CADM2: variants seen among roughly 807,000 people sequenced by gnomAD.
The protein encoded by CADM2 is cell adhesion molecule 2.
In CADM2, 12 loss-of-function variants were observed where a neutral mutation model predicts 49.8. The ratio of observed to expected loss-of-function variants is 0.24; its 90% CI spans 0.15 to 0.39. The LOEUF is 0.39. Among genes scored for constraint, CADM2 ranks in the 10% least tolerant of loss-of-function variants. CADM2 has a pLI of 1.00. For synonymous variants in CADM2, 214 were observed against 175.4 expected, an observed-to-expected ratio of 1.22 and a Z score of -1.74; for missense variants, 378 against 492.3, an observed-to-expected ratio of 0.77 and a Z score of 2.20.
chr3:85,299,166 G>A (rs1036899533), intron 1 of CADM2, among the ~76,000 whole-genome samples: 8 of 151,938 alleles, frequency 5.3e-5, no homozygotes, highest in Non-Finnish European at 7.4e-5. Flanking sequence ...AAACTTGAGA[G>A]CTTTTATTAA....
chr3:85,727,473 G>T (rs1030897451), intron 2 of CADM2, among the ~76,000 whole-genome samples: 5 of 152,090 alleles, frequency 3.3e-5, no homozygotes, highest in Non-Finnish European at 7.4e-5. Context: ...CTTTCTTATA[G>T]CTCACCTAGC....
At chr3:85,985,418 G>A (rs544019241) in intron 8 of CADM2, among the ~76,000 whole-genome samples, 2 of 152,038 alleles carry the variant, frequency 1.3e-5, no homozygotes, top group Admixed American at 1.3e-4. Context: ...ATTTTCAGGA[G>A]GACATTTGTG....
chr3:85,383,163 C>T (rs114070043), intron 1 of CADM2, among the ~76,000 whole-genome samples: 2,112 of 152,252 alleles, frequency 0.014, 48 homozygotes, highest in African/African-American at 0.048. Context: ...CTTCCATCTT[C>T]TGTATGTCAC....
At chr3:85,124,111 T>C (rs934092025) in intron 1 of CADM2, among the ~76,000 whole-genome samples, 4 of 152,174 alleles carry the variant, frequency 2.6e-5, no homozygotes, top group African/African-American at 9.7e-5. Context: ...CCTTCTAAGT[T>C]AGGGATCTAC....
chr3:85,539,933 A>C (rs1008443907), intron 1 of CADM2, among the ~76,000 whole-genome samples: 8 of 152,252 alleles, frequency 5.3e-5, no homozygotes, highest in African/African-American at 1.9e-4. Context: ...TCAATATATA[A>C]GTCTAGAGTT....
At chr3:85,335,391 CTCT>C (rs2045052647) in intron 1 of CADM2, among the ~76,000 whole-genome samples, 1 of 151,472 alleles carries the variant, frequency 6.6e-6, no homozygotes, top group African/African-American at 2.4e-5. Flanking sequence ...CCTCTCTATT[CTCT>C]TCTTGTCAAG....
intron 7 of CADM2, among the ~76,000 whole-genome samples, chr3:85,943,348 C>T (rs9881372): frequency 0.17 from 23,556 of 136,230 alleles, 2,181 homozygotes; most frequent in African/African-American, 0.2. Context: ...AATTAGATCC[C>T]ATTTGTCAAT....
Position 85,621,813 on chromosome 3 carries a change from A to T in CADM2, c.62-104709A>T, listed in dbSNP as rs555733859. On this transcript the variant is annotated intron_variant, in intron 1 of 9. Coordinates refer to ENST00000383699, the MANE Select transcript of CADM2 (RefSeq NM_001167675.2). The stretch of plus-strand genomic sequence containing the variant: ...TCACAAACCCAGCTCTGGTCTGAGC[A>T]TGATGACAAGTTGTCAGACTGATGT... Among the ~76,000 whole-genome samples the T allele has an allele frequency of 5.3e-5, 8 of 152,284 alleles. No homozygotes were observed. The South Asian group carries it at 1.7e-3, about 32-fold the overall frequency.
At chr3:84,984,518 A>G (rs1387403449) in intron 1 of CADM2, among the ~76,000 whole-genome samples, 3 of 151,262 alleles carry the variant, frequency 2.0e-5, no homozygotes, top group Non-Finnish European at 1.5e-5. Flanking sequence ...TTTCATCTTT[A>G]CTACTGCTAC....
chr3:85,095,523 C>G (rs1258919310), intron 1 of CADM2, among the ~76,000 whole-genome samples: 1 of 152,056 alleles, frequency 6.6e-6, no homozygotes, highest in Non-Finnish European at 1.5e-5. Context: ...GATCCTTAAA[C>G]AAATACTTAT....
At chr3:85,550,768 C>T (rs6783137) in intron 1 of CADM2, among the ~76,000 whole-genome samples, 77,697 of 151,652 alleles carry the variant, frequency 0.51, 22,948 homozygotes, top group East Asian at 0.85. Flanking sequence ...GGTTTTCTTA[C>T]TCCCCTACCT....
intron 1 of CADM2, among the ~76,000 whole-genome samples, chr3:85,330,499 T>A (rs1243407152): frequency 6.6e-6 from 1 of 152,202 alleles, no homozygotes; most frequent in African/African-American, 2.4e-5. Flanking sequence ...CACTGCTACA[T>A]AGACATTTTA....
chr3:85,346,772 G>A (rs9880397), intron 1 of CADM2, among the ~76,000 whole-genome samples: 39,352 of 151,924 alleles, frequency 0.26, 6,495 homozygotes, highest in Non-Finnish European at 0.37. Context: ...CCAGATGTGG[G>A]GATATTACAG....
Position 86,071,356 on chromosome 3 carries a change from A to G in CADM2, c.*4573A>G, listed in dbSNP as rs569076520. 2 of 151,910 alleles carry G rather than the reference A, an allele frequency of 1.3e-5. No homozygotes were observed. The highest frequency in any genetic ancestry group is 3.9e-4 in the East Asian group (2 of 5,174). 9.4% of individuals were successfully genotyped at this position (151,910 alleles called of 1,614,324 possible). On this transcript the variant is annotated 3_prime_UTR_variant, in exon 10 of 10. Coordinates refer to ENST00000383699, the MANE Select transcript of CADM2 (RefSeq NM_001167675.2). ...CCTTTCTCTCTCTATTCTACCCCCA[A>G]ACAAGCCCTTTGCACTCATACCCTT...
chr3:85,713,160 C>T (rs1463870682), intron 1 of CADM2, among the ~76,000 whole-genome samples: 11 of 152,104 alleles, frequency 7.2e-5, no homozygotes, highest in Non-Finnish European at 1.5e-4. Flanking sequence ...TGAAGTGGCG[C>T]GACCTCGGCT....
intron 2 of CADM2, among the ~76,000 whole-genome samples, chr3:85,750,842 G>T (rs191920651): frequency 6.6e-6 from 1 of 151,960 alleles, no homozygotes; most frequent in Non-Finnish European, 1.5e-5. Context: ...AATTTCATAT[G>T]TGACACCATT....
intron 1 of CADM2, among the ~76,000 whole-genome samples, chr3:85,019,639 A>G (rs2034409181): frequency 6.6e-6 from 1 of 152,186 alleles, no homozygotes; most frequent in Non-Finnish European, 1.5e-5. Flanking sequence ...CAAAATAGAG[A>G]AACAAGGCTA....
At chr3:85,331,756 C>T (rs569691240) in intron 1 of CADM2, among the ~76,000 whole-genome samples, 34 of 152,016 alleles carry the variant, frequency 2.2e-4, no homozygotes, top group African/African-American at 7.7e-4. Context: ...TGAGGGTTCC[C>T]CTTTCTCCAC....
intron 1 of CADM2, among the ~76,000 whole-genome samples, chr3:85,484,552 T>G (rs974066582): frequency 1.3e-5 from 2 of 151,952 alleles, no homozygotes; most frequent in African/African-American, 4.8e-5. Context: ...AAAGTTATTC[T>G]AGTTTAGGGG....
Sources: allele counts gnomAD v4.1 joint callset (sites outside exome capture counted in the v4.1 genomes callset), GRCh38; gene constraint gnomAD v4.1.1; transcripts MANE v1.5; gene names NCBI Gene and HGNC (gene_info 2026-07-23, HGNC 2026-07-21).